NR2F1-AS1: variants seen among roughly 807,000 people sequenced by gnomAD.
NR2F1-AS1 encodes the protein NR2F1 antisense RNA 1.
At chr5:93,531,774 A>G (rs1022102135) in intron 4 of NR2F1-AS1, among the ~76,000 whole-genome samples, 2 of 152,216 alleles carry the variant, frequency 1.3e-5, no homozygotes, top group Non-Finnish European at 2.9e-5. Context: ...AGTAGCATAC[A>G]AACAGGAAAG....
chr5:93,575,444 G>A (rs1017697541), intron 1 of NR2F1-AS1, among the ~76,000 whole-genome samples: 9 of 151,732 alleles, frequency 5.9e-5, no homozygotes, highest in Non-Finnish European at 1.3e-4. Flanking sequence ...CAAGAATTTG[G>A]AGACGTGTCT....
At chr5:93,521,633 T>A (rs893380294) in intron 4 of NR2F1-AS1, among the ~76,000 whole-genome samples, 1 of 152,056 alleles carries the variant, frequency 6.6e-6, no homozygotes, top group Non-Finnish European at 1.5e-5. Flanking sequence ...CACTGATCAT[T>A]AGAGAAATGC....
intron 4 of NR2F1-AS1, among the ~76,000 whole-genome samples, chr5:93,431,943 G>A (rs1749334444): frequency 1.3e-5 from 2 of 152,132 alleles, no homozygotes; most frequent in Non-Finnish European, 2.9e-5. Context: ...CCCAGAATGA[G>A]TAATTTTTCT....
intron 4 of NR2F1-AS1, among the ~76,000 whole-genome samples, chr5:93,471,297 G>C (rs1158222314): frequency 6.6e-6 from 1 of 151,854 alleles, no homozygotes; most frequent in African/African-American, 2.4e-5. Flanking sequence ...AAGATATGTT[G>C]TGTTAATGTT....
At chr5:93,573,194 G>A (rs549043186) in intron 1 of NR2F1-AS1, among the ~76,000 whole-genome samples, 1 of 152,364 alleles carries the variant, frequency 6.6e-6, no homozygotes, top group African/African-American at 2.4e-5. Flanking sequence ...GAGTGCGGGG[G>A]AGAGGGCAAA....
At chr5:93,435,690 C>T (rs1188554607) in intron 4 of NR2F1-AS1, among the ~76,000 whole-genome samples, 1 of 152,188 alleles carries the variant, frequency 6.6e-6, no homozygotes, top group Non-Finnish European at 1.5e-5. Context: ...CCATTTCCTT[C>T]AAGTCATAGT....
chr5:93,432,727 G>A (rs1428926380), intron 4 of NR2F1-AS1, among the ~76,000 whole-genome samples: 2 of 152,112 alleles, frequency 1.3e-5, no homozygotes, highest in African/African-American at 2.4e-5. Flanking sequence ...CTGCCTGTAC[G>A]CTGCCTACAA....
chr5:93,469,701 G>A (rs1054249762), intron 4 of NR2F1-AS1, among the ~76,000 whole-genome samples: 12 of 151,966 alleles, frequency 7.9e-5, no homozygotes, highest in Admixed American at 2.6e-4. Context: ...ATAGATACTT[G>A]AACCTCTATC....
chr5:93,567,140 A>T (rs868264922), intron 1 of NR2F1-AS1, among the ~76,000 whole-genome samples: 1 of 152,112 alleles, frequency 6.6e-6, no homozygotes. Context: ...TTTACAGGTA[A>T]ATTGACTTAA....
At chr5:93,446,495 G>A (rs1182773739) in intron 4 of NR2F1-AS1, among the ~76,000 whole-genome samples, 4 of 152,098 alleles carry the variant, frequency 2.6e-5, no homozygotes, top group Admixed American at 1.3e-4. Context: ...AACTTATAAG[G>A]GGTGTGAAGG....
chr5:93,497,401 C>T (rs1360882024), intron 4 of NR2F1-AS1, among the ~76,000 whole-genome samples: 1 of 152,198 alleles, frequency 6.6e-6, no homozygotes, highest in Non-Finnish European at 1.5e-5. Context: ...GTGTTCTCTT[C>T]ACCCAGCTGT....
chr5:93,519,926 C>G (rs1751469721), intron 4 of NR2F1-AS1, among the ~76,000 whole-genome samples: 1 of 151,966 alleles, frequency 6.6e-6, no homozygotes, highest in Non-Finnish European at 1.5e-5. Context: ...TATAAACTGA[C>G]ATTTCTCCTA....
chr5:93,489,748 C>G (rs1244578199), intron 4 of NR2F1-AS1, among the ~76,000 whole-genome samples: 1 of 152,118 alleles, frequency 6.6e-6, no homozygotes, highest in African/African-American at 2.4e-5. Flanking sequence ...AATCCTGTCT[C>G]AAGTACATGT....
In NR2F1-AS1 at chr5:93,459,322, A is replaced by C. The variant is rs530147013; in HGVS notation, n.639-63780T>G. ...TATACAAGAAAATAAGCGCATGAAA[A>C]CATGCTCAATATCATTATTCATTAG... On this transcript the variant is annotated intron_variant and non_coding_transcript_variant, in intron 4 of 5. Transcript: ENST00000660523. Among the ~76,000 whole-genome samples, 64 of 152,222 alleles carry C rather than the reference A, an allele frequency of 4.2e-4. No homozygotes were observed. In the Middle Eastern group the frequency reaches 0.01, roughly 24 times the overall value.
intron 4 of NR2F1-AS1, among the ~76,000 whole-genome samples, chr5:93,500,672 C>G (rs908119585): frequency 2.0e-5 from 3 of 152,216 alleles, no homozygotes; most frequent in African/African-American, 7.2e-5. Context: ...GGGTCTTGCT[C>G]TGTTGCCCAG....
intron 4 of NR2F1-AS1, among the ~76,000 whole-genome samples, chr5:93,550,183 T>C (rs554165266): frequency 6.6e-6 from 1 of 152,082 alleles, no homozygotes; most frequent in East Asian, 1.9e-4. Context: ...AAAATACAGT[T>C]ATACTAAAGG....
At chr5:93,577,980 T>C (rs1328793398) in intron 1 of NR2F1-AS1, among the ~76,000 whole-genome samples, 6 of 152,206 alleles carry the variant, frequency 3.9e-5, no homozygotes, top group Admixed American at 3.9e-4. Flanking sequence ...AAAATGTTTT[T>C]ACAAGGCCAC....
At chr5:93,571,304 G>A (rs1752761799) in intron 1 of NR2F1-AS1, 1 of 151,718 alleles carries the variant, frequency 6.6e-6, no homozygotes, top group South Asian at 2.1e-4. Flanking sequence ...CTGGACCCGG[G>A]ACCTCATCCC....
At chr5:93,486,107 C>G (rs1173132457) in intron 4 of NR2F1-AS1, among the ~76,000 whole-genome samples, 1 of 111,044 alleles carries the variant, frequency 9.0e-6, no homozygotes, top group African/African-American at 3.5e-5. Context: ...ACTCTGGGGA[C>G]TGTTGTGGGG....
Sources: gnomAD v4.1 joint callset for allele counts (sites outside exome capture counted in the v4.1 genomes callset) on GRCh38, gnomAD v4.1.1 for gene constraint, MANE v1.5 for transcripts, NCBI Gene and HGNC (gene_info 2026-07-23, HGNC 2026-07-21) for gene names.